Variants in PPP3CB observed in about 807,000 individuals in gnomAD.
PPP3CB encodes protein phosphatase 3 catalytic subunit beta, also known as serine/threonine-protein phosphatase 2B catalytic subunit beta isoform.
A neutral mutation model predicts 66.4 loss-of-function variants in PPP3CB; 8 were observed. That is an observed-to-expected ratio of 0.12 (90% CI 0.07 to 0.22). The LOEUF (loss-of-function observed/expected upper bound fraction) is 0.22. PPP3CB is among the 10% of genes least tolerant of loss of function. The pLI, the probability that PPP3CB is intolerant of heterozygous loss-of-function variation, is 1.00. For missense variants in PPP3CB, 319 were observed against 642.5 expected (o/e 0.50, Z 5.44); for synonymous variants, 208 against 221.2 (o/e 0.94, Z 0.53).
At chr10:73,493,958 G>T (rs2057121350) in intron 1 of PPP3CB, among the ~76,000 whole-genome samples, 1 of 152,146 alleles carries the variant, frequency 6.6e-6, no homozygotes, top group Non-Finnish European at 1.5e-5. Flanking sequence ...CAAGGAATAA[G>T]AAGATTCACA....
At chr10:73,476,024 G>GTT (rs903948557) in intron 3 of PPP3CB, among the ~76,000 whole-genome samples, 46 of 137,514 alleles carry the variant, frequency 3.3e-4, no homozygotes, top group Admixed American at 5.8e-4. Context: ...GCCCAGCTAA[G>GTT]TTTTTTTTTT....
chr10:73,495,156 AT>A lies in PPP3CB; in HGVS notation c.85+648del, dbSNP rs574132598. Among the ~76,000 whole-genome samples, 94 of 150,988 alleles carry A rather than the reference AT, an allele frequency of 6.2e-4. 1 individual carries two copies. Among genetic ancestry groups the A allele is most frequent in the African/African-American group, 1.7e-3 (72 of 41,152 alleles). ...AAGTAAATACTTGCTATCCACAAGA[AT>A]TTTTTTTTTCGTTTATGCTGCTTTT... On this transcript the variant is annotated intron_variant, in intron 1 of 13. Coordinates refer to ENST00000360663, the MANE Select transcript of PPP3CB (RefSeq NM_021132.4).
chr10:73,447,891 AC>A (rs1006131396), intron 10 of PPP3CB, among the ~76,000 whole-genome samples: 4 of 151,024 alleles, frequency 2.6e-5, no homozygotes, highest in African/African-American at 9.7e-5. Context: ...TTTTTAAAAT[AC>A]CAAAAAAAAA....
rs2057224558 is a variant in PPP3CB, at chr10:73,495,981, ACATGG to A, written c.-97_-93del. ...AGCCAAGCGGCGGCGCCGCCGGGGAACATGGCGGACCCTCTTTCCCTACAGAGGGG... is the reference window on the plus strand; with the variant it reads ...AGCCAAGCGGCGGCGCCGCCGGGGAACGGACCCTCTTTCCCTACAGAGGGG... On this transcript the variant is annotated 5_prime_UTR_variant, in exon 1 of 14. An upstream start codon of the reference 5' UTR is lost. Coordinates refer to ENST00000360663, the MANE Select transcript of PPP3CB (RefSeq NM_021132.4). 1 of 690,092 alleles carries A rather than the reference ACATGG, an allele frequency of 1.4e-6. No individual in the cohort carries two copies. 42.7% of individuals were successfully genotyped at this position (690,092 alleles called of 1,614,324 possible).
intron 9 of PPP3CB, among the ~76,000 whole-genome samples, chr10:73,465,516 G>A (rs1156372396): frequency 6.6e-6 from 1 of 152,060 alleles, no homozygotes; most frequent in African/African-American, 2.4e-5. Context: ...GGGCTATGAT[G>A]GCACCACTGC....
At position 73,479,463 on chromosome 10, in the gene PPP3CB, T is replaced by A. The variant is rs762418445; in HGVS notation, c.140A>T (p.Asp47Val). 6.8e-6 allele frequency: 11 copies of A among 1,614,106 alleles called. No individual in the cohort carries two copies. The highest frequency in any genetic ancestry group is 9.3e-6 in the Non-Finnish European group (11 of 1,180,010). Residue 47 changes from aspartate to valine, a missense_variant, in exon 2 of 14, where the codon GAT becomes GTT. Physicochemically the swap from Asp to Val is radical, Grantham distance 152 (BLOSUM62 -3). This residue lies in a region of PPP3CB where 104 missense variants were observed against 128.4 expected (regional missense o/e 0.81). Transcript: ENST00000360663. ...RLTSEEVFDL[D>V]GIPRVDVLKN... is the part of the protein sequence containing the mutation. The stretch of plus-strand genomic sequence containing the variant: ...CAGAACATCAACCCTGGGTATCCCA[T>A]CCAAATCAAATACTTCTTCAGATGT...
intron 1 of PPP3CB, among the ~76,000 whole-genome samples, chr10:73,481,036 A>C (rs2056866771): frequency 6.6e-6 from 1 of 152,156 alleles, no homozygotes; most frequent in African/African-American, 2.4e-5. Context: ...GGACTGAAGC[A>C]GTTTCAGGCT....
At chr10:73,481,904 A>G (rs987824273) in intron 1 of PPP3CB, among the ~76,000 whole-genome samples, 5 of 152,128 alleles carry the variant, frequency 3.3e-5, no homozygotes, top group African/African-American at 9.7e-5. Flanking sequence ...CATCTAGAAT[A>G]AGGCATTAAA....
At chr10:73,457,032 T>C (rs1481951028) in intron 9 of PPP3CB, among the ~76,000 whole-genome samples, 2 of 151,998 alleles carry the variant, frequency 1.3e-5, no homozygotes, top group Non-Finnish European at 2.9e-5. Context: ...TTGCATAGTA[T>C]ATATATTTCA....
rs145956932 is a variant in PPP3CB at position 73,494,275 on chromosome 10, GTTTTGTTTTTGT to G, written c.85+1518_85+1529del. ...AACTTAAGCCTAGGTGCAAATCAGT[GTTTTGTTTTTGT>G]TTTTGTTTTTGTTTTTGGAGACAGG... On this transcript the variant is annotated intron_variant, in intron 1 of 13. Transcript: ENST00000360663. Among the ~76,000 whole-genome samples the G allele has an allele frequency of 2.2e-3, 338 of 151,814 alleles. 1 individual carries two copies. Among genetic ancestry groups the G allele is most frequent in the African/African-American group, 7.4e-3 (304 of 41,266 alleles).
intron 1 of PPP3CB, among the ~76,000 whole-genome samples, chr10:73,483,096 A>G (rs1027983204): frequency 2.2e-4 from 34 of 152,348 alleles, no homozygotes; most frequent in African/African-American, 8.2e-4. Context: ...TTCAAGTCAC[A>G]CTGAAGAACT....
chr10:73,484,252 T>A (rs529584004), intron 1 of PPP3CB, among the ~76,000 whole-genome samples: 1 of 152,334 alleles, frequency 6.6e-6, no homozygotes, highest in African/African-American at 2.4e-5. Flanking sequence ...TTATTTCTAA[T>A]TCATCTTCAG....
intron 10 of PPP3CB, among the ~76,000 whole-genome samples, chr10:73,449,088 T>C (rs1271686682): frequency 6.6e-6 from 1 of 152,136 alleles, no homozygotes; most frequent in Non-Finnish European, 1.5e-5. Flanking sequence ...CCTGTGGAAG[T>C]ATGTTAAGTA....
At chr10:73,493,168 C>G (rs1415230719) in intron 1 of PPP3CB, among the ~76,000 whole-genome samples, 1 of 151,106 alleles carries the variant, frequency 6.6e-6, no homozygotes, top group African/African-American at 2.4e-5. Context: ...CCCAGCTACT[C>G]GGGAGGCTGA....
intron 9 of PPP3CB, among the ~76,000 whole-genome samples, chr10:73,454,977 A>G (rs1200209211): frequency 6.6e-6 from 1 of 151,220 alleles, no homozygotes; most frequent in Non-Finnish European, 1.5e-5. Flanking sequence ...GGTTCAAGAG[A>G]TTCTCCTGCC....
chr10:73,445,656 C>T (rs1270246671), intron 11 of PPP3CB, among the ~76,000 whole-genome samples: 1 of 151,650 alleles, frequency 6.6e-6, no homozygotes, highest in African/African-American at 2.4e-5. Context: ...GCCATGTTTC[C>T]TAGCCTGGTC....
chr10:73,477,152 A>C (rs1370810850), intron 3 of PPP3CB: 2 of 518,830 alleles, frequency 3.9e-6, no homozygotes, highest in Non-Finnish European at 7.7e-6. Context: ...AAACAACAGT[A>C]CTTACCTCAT....
intron 1 of PPP3CB, among the ~76,000 whole-genome samples, 187 bp from the exon 2 acceptor site, chr10:73,479,704 CAT>C (rs1288856160): frequency 2.6e-5 from 4 of 152,128 alleles, no homozygotes; most frequent in Admixed American, 6.5e-5. Flanking sequence ...TTTATACTAA[CAT>C]GTTCTTTGTT....
intron 9 of PPP3CB, among the ~76,000 whole-genome samples, chr10:73,456,642 C>T (rs186784739): frequency 6.6e-6 from 1 of 152,064 alleles, no homozygotes; most frequent in East Asian, 1.9e-4. Flanking sequence ...TGGTCACATG[C>T]GAAAGAATAA....
Sources: gnomAD v4.1 joint callset for allele counts (sites outside exome capture counted in the v4.1 genomes callset) on GRCh38, gnomAD v4.1.1 for gene constraint, gnomAD v4.1.1 regional missense constraint, MANE v1.5 for transcripts, NCBI Gene and HGNC (gene_info 2026-07-23, HGNC 2026-07-21) for gene names.